Variants in PRKG1 observed in about 807,000 individuals in gnomAD.
PRKG1 encodes protein kinase cGMP-dependent 1.
PRKG1 carries 35 observed loss-of-function variants against 88.1 expected under a neutral mutation model. That is an observed-to-expected ratio of 0.40 (90% CI 0.30 to 0.53). The LOEUF (loss-of-function observed/expected upper bound fraction) is 0.53. PRKG1 is among the 20% of genes least tolerant of loss of function. The pLI is 0.59. For synonymous variants in PRKG1, 303 were observed against 292.5 expected, an observed-to-expected ratio of 1.04 and a Z score of -0.37; for missense variants, 540 against 839.8, an observed-to-expected ratio of 0.64 and a Z score of 4.41.
chr10:51,684,289 T>C (rs1840929493), intron 3 of PRKG1, among the ~76,000 whole-genome samples: 1 of 152,066 alleles, frequency 6.6e-6, no homozygotes, highest in African/African-American at 2.4e-5. Flanking sequence ...CCAGAATATC[T>C]ATAGTGAGGA....
chr10:51,400,831 CT>C (rs1704999495), intron 2 of PRKG1, among the ~76,000 whole-genome samples: 1 of 152,152 alleles, frequency 6.6e-6, no homozygotes, highest in Non-Finnish European at 1.5e-5. Context: ...TCTTCAATGA[CT>C]TTCCTCAGGT....
chr10:51,675,510 A>T (rs1364584464), intron 3 of PRKG1, among the ~76,000 whole-genome samples: 1 of 152,124 alleles, frequency 6.6e-6, no homozygotes, highest in East Asian at 1.9e-4. Context: ...GGTATTTGAG[A>T]CACCGAGTTG....
chr10:51,716,851 C>A (rs766362225), intron 3 of PRKG1, among the ~76,000 whole-genome samples: 3 of 152,178 alleles, frequency 2.0e-5, no homozygotes, highest in Non-Finnish European at 4.4e-5. Flanking sequence ...GGCCACCACG[C>A]CCGCCTGGCT....
chr10:52,288,980 A>G lies in PRKG1; in HGVS notation c.1882A>G (p.Ile628Val), dbSNP rs767007025. Residue 628 changes from isoleucine (I) to valine (V), a missense_variant, in exon 16 of 18, where the codon ATT becomes GTT. This residue lies in a region of PRKG1 where 97 missense variants were observed against 210.6 expected (regional missense o/e 0.46). Coordinates refer to ENST00000373980, the MANE Select transcript of PRKG1 (RefSeq NM_006258.4). ...LGNLKNGVKD[I>V]QKHKWFEGFN... The stretch of plus-strand genomic sequence containing the variant: ...GAATTTGAAAAATGGAGTAAAAGAC[A>G]TTCAAAAGCACAAGTAAGTGTTCTT... The G allele has an allele frequency of 1.2e-6, 2 of 1,608,940 alleles. No individual in the cohort carries two copies. The highest frequency in any genetic ancestry group is 1.7e-6 in the Non-Finnish European group (2 of 1,176,608).
intron 3 of PRKG1, chr10:51,698,631 T>C: frequency 6.2e-7 from 1 of 1,614,030 alleles, no homozygotes; most frequent in African/African-American, 1.3e-5. Context: ...GGATCTGACA[T>C]CTGCACTTGT....
intron 2 of PRKG1, among the ~76,000 whole-genome samples, chr10:51,246,646 C>T (rs756918824): frequency 6.6e-6 from 1 of 151,496 alleles, no homozygotes; most frequent in Admixed American, 6.6e-5. Flanking sequence ...ATTTATCTAT[C>T]ATTTTTCAAC....
intron 3 of PRKG1, among the ~76,000 whole-genome samples, chr10:51,667,411 C>T (rs1840448665): frequency 6.6e-6 from 1 of 152,056 alleles, no homozygotes; most frequent in Non-Finnish European, 1.5e-5. Context: ...ATTGAGAATG[C>T]TTTATTCAAG....
chr10:51,277,673 A>G (rs1297567969), intron 2 of PRKG1, among the ~76,000 whole-genome samples: 2 of 152,172 alleles, frequency 1.3e-5, no homozygotes, highest in African/African-American at 2.4e-5. Flanking sequence ...GGTCCTTCAC[A>G]TCCCTTGTAA....
chr10:52,282,867 G>C (rs1442237255), intron 14 of PRKG1, among the ~76,000 whole-genome samples: 1 of 152,066 alleles, frequency 6.6e-6, no homozygotes, highest in Non-Finnish European at 1.5e-5. Flanking sequence ...CTAAAACAGT[G>C]AGTGACAGGG....
At chr10:50,994,557 T>G (rs924867628) in intron 1 of PRKG1, among the ~76,000 whole-genome samples, 1 of 152,026 alleles carries the variant, frequency 6.6e-6, no homozygotes, top group East Asian at 1.9e-4. Flanking sequence ...ACCTGTTTTT[T>G]GTAAAAGGCT....
At chr10:51,530,430 T>C (rs1841989971) in intron 3 of PRKG1, among the ~76,000 whole-genome samples, 1 of 152,204 alleles carries the variant, frequency 6.6e-6, no homozygotes, top group Admixed American at 6.5e-5. Context: ...GCAAACATAG[T>C]GCTCACTAAC....
chr10:51,799,537 A>C (rs1470386934), intron 3 of PRKG1, among the ~76,000 whole-genome samples: 1 of 151,602 alleles, frequency 6.6e-6, no homozygotes, highest in Non-Finnish European at 1.5e-5. Flanking sequence ...TTGATTCTGG[A>C]GCAAGGTCTG....
intron 3 of PRKG1, among the ~76,000 whole-genome samples, chr10:51,671,269 G>T (rs1375931129): frequency 6.6e-6 from 1 of 152,172 alleles, no homozygotes; most frequent in Non-Finnish European, 1.5e-5. Flanking sequence ...CAATATAACT[G>T]CAGTTCCTTT....
At chr10:51,520,040 C>G (rs1841695546) in intron 3 of PRKG1, among the ~76,000 whole-genome samples, 2 of 152,046 alleles carry the variant, frequency 1.3e-5, no homozygotes, top group Admixed American at 1.3e-4. Context: ...CCAGAGAAGT[C>G]AAATGACTTG....
chr10:50,992,773 T>A (rs1272779031), intron 1 of PRKG1, among the ~76,000 whole-genome samples: 1 of 131,894 alleles, frequency 7.6e-6, no homozygotes, highest in Non-Finnish European at 1.6e-5. Flanking sequence ...CTCTGGACAT[T>A]AGGGAGAGGA....
At chr10:51,575,524 C>T (rs967417582) in intron 3 of PRKG1, among the ~76,000 whole-genome samples, 4 of 151,892 alleles carry the variant, frequency 2.6e-5, no homozygotes, top group East Asian at 1.9e-4. Flanking sequence ...TTAACTTCAT[C>T]GGTGGGAAGA....
At chr10:51,313,648 T>C (rs904012248) in intron 2 of PRKG1, among the ~76,000 whole-genome samples, 2 of 152,194 alleles carry the variant, frequency 1.3e-5, no homozygotes, top group Non-Finnish European at 2.9e-5. Flanking sequence ...CTGCTATATA[T>C]ACAGTTGTCC....
intron 3 of PRKG1, among the ~76,000 whole-genome samples, chr10:51,483,725 T>C (rs1840440622): frequency 6.6e-6 from 1 of 152,204 alleles, no homozygotes; most frequent in Non-Finnish European, 1.5e-5. Context: ...AGGCATTCCT[T>C]CATCTAAACT....
chr10:51,167,011 G>A (rs1186488178), intron 2 of PRKG1, among the ~76,000 whole-genome samples: 1 of 152,114 alleles, frequency 6.6e-6, no homozygotes, highest in African/African-American at 2.4e-5. Context: ...ACTCAGTGAT[G>A]ATTATGTCTC....
Sources: allele counts gnomAD v4.1 joint callset (sites outside exome capture counted in the v4.1 genomes callset), GRCh38; gene constraint gnomAD v4.1.1; regional missense constraint gnomAD v4.1.1; transcripts MANE v1.5; gene names NCBI Gene and HGNC (gene_info 2026-07-23, HGNC 2026-07-21).